The following EVA1C variants were observed in gnomAD, a reference collection of about 807,000 sequenced individuals.
The protein encoded by EVA1C is protein eva-1 homolog C.
Under a neutral mutation model 45.4 loss-of-function variants are expected in EVA1C, and 25 were observed. The ratio of observed to expected loss-of-function variants is 0.55; its 90% confidence interval spans 0.40 to 0.77. The LOEUF is 0.77. Among genes scored for constraint, EVA1C ranks in the 30% least tolerant of loss-of-function variants. The pLI is 0.00. For synonymous variants in EVA1C, 190 were observed against 221.2 expected (o/e 0.86, Z 1.25); for missense variants, 479 against 554.8 (o/e 0.86, Z 1.37).
chr21:32,470,562 C>A (rs1430093883), intron 4 of EVA1C, among the ~76,000 whole-genome samples: 1 of 152,152 alleles, frequency 6.6e-6, no homozygotes, highest in Non-Finnish European at 1.5e-5. Context: ...AGCTCCTGAA[C>A]CCCATCTTCC....
At chr21:32,450,514 C>G (rs146449163) in intron 1 of EVA1C, among the ~76,000 whole-genome samples, 3 of 151,884 alleles carry the variant, frequency 2.0e-5, no homozygotes, top group African/African-American at 4.8e-5. Context: ...GACCACAGTC[C>G]GGGAATGCTG....
At chr21:32,502,022 TTC>T (rs2037560522) in intron 6 of EVA1C, among the ~76,000 whole-genome samples, 1 of 141,566 alleles carries the variant, frequency 7.1e-6, no homozygotes, top group Admixed American at 7.2e-5. Flanking sequence ...CTTTCTTTCT[TTC>T]TTTCTTTCTT....
chr21:32,470,864 T>C (rs996771905), intron 4 of EVA1C, among the ~76,000 whole-genome samples: 28 of 152,020 alleles, frequency 1.8e-4, no homozygotes, highest in African/African-American at 6.5e-4. Flanking sequence ...GTTCAGGTGA[T>C]TCTCCTGCCT....
intron 4 of EVA1C, among the ~76,000 whole-genome samples, chr21:32,468,375 AAAAC>A (rs199793711): frequency 1.6e-3 from 219 of 138,658 alleles, no homozygotes; most frequent in African/African-American, 4.0e-3. Flanking sequence ...CCTGTCTCAA[AAAAC>A]AAACAAACAA....
At chr21:32,459,451 T>A (rs924706817) in intron 3 of EVA1C, among the ~76,000 whole-genome samples, 10 of 152,230 alleles carry the variant, frequency 6.6e-5, no homozygotes, top group Non-Finnish European at 1.5e-4. Flanking sequence ...GACTGTGTCA[T>A]AGCCTTGAAG....
chr21:32,420,186 T>C (rs1014764840), intron 1 of EVA1C, among the ~76,000 whole-genome samples: 1 of 326 alleles, frequency 3.1e-3, no homozygotes, highest in Admixed American at 0.062. Context: ...GCCTGGCCCA[T>C]AGGGTGAAAC....
rs1189959369 is a variant in EVA1C at position 32,515,146 on chromosome 21, G to C, written c.1282G>C (p.Gly428Arg). The change falls in exon 8 of 8, where the codon GGT (glycine) becomes CGT (arginine). Residue 428 changes from glycine to arginine, a missense_variant. Transcript: ENST00000300255. ...CATTCAGGAAATATGGATGAACAGT[G>C]GTTTGGACACCTCGCTCCCAAGAAA... Reference protein sequence around the residue: ...QIIQEIWMNSGLDTSLPRNMG... With the variant: ...QIIQEIWMNSRLDTSLPRNMG... 1.2e-6 allele frequency: 2 copies of C among 1,609,824 alleles called. No homozygotes were observed. Among genetic ancestry groups the C allele is most frequent in the Non-Finnish European group, 1.7e-6 (2 of 1,177,140 alleles).
chr21:32,511,987 A>G (rs1301387966), intron 7 of EVA1C, among the ~76,000 whole-genome samples: 1 of 152,172 alleles, frequency 6.6e-6, no homozygotes, highest in African/African-American at 2.4e-5. Context: ...TTACAGCGAT[A>G]TGATATTAAA....
chr21:32,499,847 C>T (rs1452132665), intron 5 of EVA1C, among the ~76,000 whole-genome samples: 1 of 152,204 alleles, frequency 6.6e-6, no homozygotes, highest in Non-Finnish European at 1.5e-5. Context: ...TCTGTTTCAG[C>T]GGGTGCTGTC....
Position 32,444,585 on chromosome 21 carries a change from C to T in EVA1C, c.161-8727C>T, listed in dbSNP as rs570172345. On this transcript the variant is annotated intron_variant, in intron 1 of 7. Transcript: ENST00000300255. ...CAAAAACCTGTACATGTTCTGCTATCCGGAAGCTCTCCAAACCCAGTTCTT... is the reference window on the plus strand; with the variant it reads ...CAAAAACCTGTACATGTTCTGCTATTCGGAAGCTCTCCAAACCCAGTTCTT... Among the ~76,000 whole-genome samples, 6 of 152,316 alleles carry T rather than the reference C, an allele frequency of 3.9e-5. No individual in the cohort carries two copies. The East Asian group carries it at 7.7e-4, about 20-fold the overall frequency.
At chr21:32,500,817 CTT>C (rs35107337) in intron 5 of EVA1C, among the ~76,000 whole-genome samples, 1 of 147,080 alleles carries the variant, frequency 6.8e-6, no homozygotes. Flanking sequence ...CGGTACTTCA[CTT>C]TTTTTTTTTG....
intron 6 of EVA1C, among the ~76,000 whole-genome samples, chr21:32,503,549 A>AAAATAAATAAATAAAT (rs60401587): frequency 7.6e-4 from 113 of 149,222 alleles, no homozygotes; most frequent in African/African-American, 2.3e-3. Flanking sequence ...CTCCATCTCA[A>AAAATAAATAAATAAAT]AAATAAATAA....
At chr21:32,494,229 T>C (rs896397395) in intron 4 of EVA1C, among the ~76,000 whole-genome samples, 6 of 152,218 alleles carry the variant, frequency 3.9e-5, no homozygotes, top group Non-Finnish European at 7.3e-5. Flanking sequence ...TGTCAATTAG[T>C]TTATTTCATT....
intron 3 of EVA1C, among the ~76,000 whole-genome samples, chr21:32,466,659 A>G (rs544494124): frequency 6.6e-6 from 1 of 152,114 alleles, no homozygotes. Flanking sequence ...ATCCTAACCT[A>G]GAATGCACCA....
intron 1 of EVA1C, among the ~76,000 whole-genome samples, chr21:32,437,435 A>G (rs1288540190): frequency 6.6e-6 from 1 of 152,128 alleles, no homozygotes; most frequent in African/African-American, 2.4e-5. Flanking sequence ...CATCAGACAC[A>G]GGCCAACCCA....
At chr21:32,485,985 A>C (rs2036960091) in intron 4 of EVA1C, among the ~76,000 whole-genome samples, 1 of 152,220 alleles carries the variant, frequency 6.6e-6, no homozygotes, top group South Asian at 2.1e-4. Context: ...CCACCTTGTA[A>C]GGTTTCGGCA....
chr21:32,514,920 C>A lies in EVA1C; in HGVS notation c.1056C>A (p.Arg352=). ...GAGAGTCCTGTGCCAAGGACTTCCG[C>A]GACTTGCAGCTGGGGAGGGAGCAGC... ...VIRESCAKDF[R]DLQLGREQLV... Residue 352 remains arginine, a synonymous_variant, in exon 8 of 8, where the codon CGC becomes CGA. Transcript: ENST00000300255. 1 of 1,614,096 alleles carries A rather than the reference C, an allele frequency of 6.2e-7. No individual in the cohort carries two copies. The highest frequency in any genetic ancestry group is 8.5e-7 in the Non-Finnish European group (1 of 1,180,024).
At chr21:32,465,654 C>T (rs190056131) in intron 3 of EVA1C, among the ~76,000 whole-genome samples, 92 of 152,150 alleles carry the variant, frequency 6.0e-4, no homozygotes, top group Admixed American at 1.3e-3. Context: ...CCCAACACCA[C>T]GCCTGGCTAA....
chr21:32,492,399 A>G (rs985598733), intron 4 of EVA1C, among the ~76,000 whole-genome samples: 2 of 152,162 alleles, frequency 1.3e-5, no homozygotes, highest in African/African-American at 4.8e-5. Context: ...CAGGGGAGGC[A>G]TAGAGATCCT....
Sources: gnomAD v4.1 joint callset for allele counts (sites outside exome capture counted in the v4.1 genomes callset) on GRCh38, gnomAD v4.1.1 for gene constraint, MANE v1.5 for transcripts, NCBI Gene and HGNC (gene_info 2026-07-23, HGNC 2026-07-21) for gene names.